Variants in APBB1 observed in about 807,000 individuals in gnomAD.
APBB1 encodes the protein adaptor protein FE65a2.
A neutral mutation model predicts 78.4 loss-of-function variants in APBB1; 22 were observed. The observed-to-expected ratio is 0.28, with a 90% CI of 0.20 to 0.40. The LOEUF is 0.40. APBB1 is among the 10% of genes least tolerant of loss of function. The pLI, the probability that APBB1 is intolerant of heterozygous loss-of-function variation, is 1.00. For missense variants in APBB1, 749 were observed against 932.4 expected (o/e 0.80, Z 2.56); for synonymous variants, 369 against 372.7 (o/e 0.99, Z 0.12).
Position 6,401,183 on chromosome 11 carries a change from G to A in APBB1, c.1589-111C>T, listed in dbSNP as rs1019875380. 65 of 1,611,882 alleles carry A rather than the reference G, an allele frequency of 4.0e-5. 1 individual carries two copies. The highest frequency in any genetic ancestry group is 4.2e-5 in the Non-Finnish European group (50 of 1,178,924). On this transcript the variant is annotated intron_variant, in intron 11 of 14. Coordinates refer to ENST00000609360, the MANE Select transcript of APBB1 (RefSeq NM_001164.5). The surrounding 1 kb of genome is among the most constrained non-coding windows in gnomAD (Gnocchi z 4.5). ...CCAGCCGAGGCCCTACTTTCATCTC[G>A]TCCCCTGCCTCCCTTTAACCGGAGT...
rs750067292 is a variant in APBB1, at chr11:6,395,213, T to A, written c.*321A>T. The A allele has an allele frequency of 5.2e-4, 149 of 285,242 alleles. No individual in the cohort carries two copies. The highest frequency in any genetic ancestry group is 3.4e-4 in the Non-Finnish European group (52 of 152,040). The allele number at this position is 285,242 out of a possible 1,614,324, so 17.7% of individuals were successfully genotyped here. On this transcript the variant is annotated 3_prime_UTR_variant, in exon 15 of 15. Coordinates refer to ENST00000609360, the MANE Select transcript of APBB1 (RefSeq NM_001164.5). The surrounding 1 kb of genome is among the most constrained non-coding windows in gnomAD (Gnocchi z 5.2). ...GGGACCCATGCCTGGACCAGTCCCT[T>A]CCTCCTTCTGCCCCTGCTGGGTCCA...
intron 12 of APBB1, 198 bp from the exon 13 acceptor site, chr11:6,396,413 C>T (rs1848225345): frequency 1.8e-6 from 1 of 554,492 alleles, no homozygotes; most frequent in Non-Finnish European, 3.1e-6. Flanking sequence ...GGACATTTTC[C>T]TACTTTTTAA....
Position 6,401,357 on chromosome 11 carries a change from C to T in APBB1, c.1576G>A (p.Val526Ile), listed in dbSNP as rs779739721. Residue 526 changes from valine (V) to isoleucine (I), a missense_variant, in exon 11 of 15, where the codon GTC becomes ATC. By Grantham distance (29) the Val-to-Ile change is conservative. Coordinates refer to ENST00000609360, the MANE Select transcript of APBB1 (RefSeq NM_001164.5). The surrounding 1 kb of genome is among the most constrained non-coding windows in gnomAD (Gnocchi z 4.5). ...LSLDHSKLVD[V>I]PFQVEFPAPK... ...TTTTGACACTGACCTTGGAAAGGGA[C>T]ATCCACAAGTTTAGAGTGGTCCAGG... 1 of 1,614,162 alleles carries T rather than the reference C, an allele frequency of 6.2e-7. No homozygotes were observed. Among genetic ancestry groups the T allele is most frequent in the African/African-American group, 1.3e-5 (1 of 75,024 alleles).
intron 2 of APBB1, chr11:6,404,996 GA>G: frequency 7.0e-7 from 1 of 1,429,238 alleles, no homozygotes; most frequent in South Asian, 1.5e-5. Flanking sequence ...CCATGCTAGG[GA>G]ATCTCCTTGG....
chr11:6,416,367 C>T (rs565705244), intron 1 of APBB1, among the ~76,000 whole-genome samples: 1 of 152,292 alleles, frequency 6.6e-6, no homozygotes, highest in Non-Finnish European at 1.5e-5. Flanking sequence ...TTCATTAATG[C>T]CCACAGCTTC....
Position 6,403,574 on chromosome 11 carries a change from G to C in APBB1, c.898-30C>G. 3 of 1,613,078 alleles carry C rather than the reference G, an allele frequency of 1.9e-6. No individual in the cohort carries two copies. Among genetic ancestry groups the C allele is most frequent in the Non-Finnish European group, 2.5e-6 (3 of 1,179,020 alleles). ...GAGGAGGGATGGGAGTAGTGAGTGA[G>C]TGTCCTATCCTACTCCAGCAGCACA... is the stretch of plus-strand genomic sequence containing the variant. On this transcript the variant is annotated intron_variant, in intron 3 of 14. Coordinates refer to ENST00000609360, the MANE Select transcript of APBB1 (RefSeq NM_001164.5). This position sits in a 1 kb window ranked among gnomAD's most constrained non-coding sequence, Gnocchi z 5.3.
rs952570644 is a variant in APBB1 at position 6,395,187 on chromosome 11, A to C, written c.*347T>G. 3 of 252,908 alleles carry C rather than the reference A, an allele frequency of 1.2e-5. No homozygotes were observed. Among genetic ancestry groups the C allele is most frequent in the African/African-American group, 6.7e-5 (3 of 44,676 alleles). 15.7% of individuals were successfully genotyped at this position (252,908 alleles called of 1,614,324 possible). A position where few individuals can be genotyped will look rare whatever the true frequency, so the allele number is the denominator to read the frequency against. ...CAGAGGTGCCCATGGAGCAGGGGGAAGGGACCCATGCCTGGACCAGTCCCT... is the reference window on the plus strand; with the variant it reads ...CAGAGGTGCCCATGGAGCAGGGGGACGGGACCCATGCCTGGACCAGTCCCT... On this transcript the variant is annotated 3_prime_UTR_variant, in exon 15 of 15. Coordinates refer to ENST00000609360, the MANE Select transcript of APBB1 (RefSeq NM_001164.5). The surrounding 1 kb of genome is among the most constrained non-coding windows in gnomAD (Gnocchi z 5.2).
At chr11:6,410,519 A>C (rs1848930497) in intron 2 of APBB1, 108 bp downstream of exon 2, 1 of 978,286 alleles carries the variant, frequency 1.0e-6, no homozygotes, top group African/African-American at 1.6e-5. Context: ...CTGTGGCCTC[A>C]GGGTATGGGC....
intron 12 of APBB1, among the ~76,000 whole-genome samples, chr11:6,399,149 T>A (rs1051827261): frequency 6.6e-6 from 1 of 152,148 alleles, no homozygotes; most frequent in African/African-American, 2.4e-5. Flanking sequence ...TAGCTTCATT[T>A]CCCTTCTCAC....
chr11:6,400,916 T>C (rs1848466547), intron 12 of APBB1, 73 bp downstream of exon 12: 5 of 1,384,832 alleles, frequency 3.6e-6, no homozygotes, highest in Non-Finnish European at 5.1e-6. Flanking sequence ...AGAAGAAGTA[T>C]TGGAAGGCAG....
In APBB1 at chr11:6,403,793, T is replaced by A; in HGVS notation, c.751A>T (p.Thr251Ser). The A allele has an allele frequency of 6.4e-7, 1 of 1,568,266 alleles. No homozygotes were observed. The highest frequency in any genetic ancestry group is 8.7e-7 in the Non-Finnish European group (1 of 1,155,654). The change falls in exon 3 of 15, where the codon ACG becomes TCG. Residue 251 changes from threonine (T) to serine (S), a missense_variant. This residue lies in a region of APBB1 where 635 missense variants were observed against 765.0 expected (regional missense o/e 0.83). Coordinates refer to ENST00000609360, the MANE Select transcript of APBB1 (RefSeq NM_001164.5). This position sits in a 1 kb window ranked among gnomAD's most constrained non-coding sequence, Gnocchi z 5.3. Reference protein sequence around the residue: ...DSFWNPNAFETDSDLPAGWMR... With the variant: ...DSFWNPNAFESDSDLPAGWMR... ...CATCCAGCCGGCAGGTCGGAATCCG[T>A]CTCGAAGGCGTTGGGGTTCCAGAAG... is the stretch of plus-strand genomic sequence containing the variant.
chr11:6,413,149 A>G (rs139469874), intron 1 of APBB1, among the ~76,000 whole-genome samples: 239 of 151,558 alleles, frequency 1.6e-3, no homozygotes, highest in African/African-American at 4.7e-3. Context: ...CTCCCTGACC[A>G]ACCACTGCCC....
rs369739068 is a variant in APBB1 at position 6,411,191 on chromosome 11, C to T, written c.157G>A (p.Ala53Thr). 7.2e-5 allele frequency: 116 copies of T among 1,607,584 alleles called. No homozygotes were observed. The highest frequency in any genetic ancestry group is 2.4e-4 in the South Asian group (22 of 90,974). ...TAVGPKDLRS[A>T]MGEGGGPEPG... is the part of the protein sequence containing the mutation. ...TCAGGCCCACCACCCTCCCCCATGG[C>T]GCTGCGCAGGTCCTTGGGTCCCACA... is the stretch of plus-strand genomic sequence containing the variant. Residue 53 changes from alanine (A) to threonine (T), a missense_variant, in exon 2 of 15, where the codon GCC becomes ACC. Transcript: ENST00000609360. The surrounding 1 kb of genome is among the most constrained non-coding windows in gnomAD (Gnocchi z 5.2).
Position 6,410,728 on chromosome 11 carries a change from C to T in APBB1, c.620G>A (p.Ser207Asn). 1 of 1,561,772 alleles carries T rather than the reference C, an allele frequency of 6.4e-7. No homozygotes were observed. The highest frequency in any genetic ancestry group is 8.7e-7 in the Non-Finnish European group (1 of 1,153,928). ...ACTGTTCCGCATGCCAAACAGGAGG[C>T]TGGCACTCTTGCTGTGTTCCCGGGG... ...DGPREHSKSA[S>N]LLFGMRNSAA... Residue 207 changes from serine (S) to asparagine (N), a missense_variant, in exon 2 of 15, where the codon AGC (serine) becomes AAC (asparagine). Ser to Asn is a conservative substitution (Grantham distance 46, BLOSUM62 1). Around this residue, in one of 3 missense-constraint regions of APBB1, gnomAD observed 635 missense variants for 765.0 expected, o/e 0.83. Coordinates refer to ENST00000609360, the MANE Select transcript of APBB1 (RefSeq NM_001164.5).
Position 6,395,285 on chromosome 11 carries a change from A to T in APBB1, c.*249T>A. 2.5e-6 allele frequency: 1 copy of T among 399,008 alleles called. No individual in the cohort carries two copies. Among genetic ancestry groups the T allele is most frequent in the South Asian group, 7.1e-5 (1 of 14,184 alleles). The allele number at this position is 399,008 out of a possible 1,614,324, so 24.7% of individuals were successfully genotyped here. On this transcript the variant is annotated 3_prime_UTR_variant, in exon 15 of 15. Transcript: ENST00000609360. The surrounding 1 kb of genome is among the most constrained non-coding windows in gnomAD (Gnocchi z 5.2). ...ACCAGTTCCTCCTGTTCCACCTGAA[A>T]CACATGGGGATGGAGAACCAGGGCT... is the stretch of plus-strand genomic sequence containing the variant.
At position 6,403,057 on chromosome 11, in the gene APBB1, C is replaced by T. The variant is rs143817946; in HGVS notation, c.1104+88G>A. On this transcript the variant is annotated intron_variant, in intron 6 of 14. Coordinates refer to ENST00000609360, the MANE Select transcript of APBB1 (RefSeq NM_001164.5). This position sits in a 1 kb window ranked among gnomAD's most constrained non-coding sequence, Gnocchi z 5.3. ...TCCTAACTCAGGACCTGGGGAACTGCGCTGAGACCCCTCAGAGCACAACAT... is the reference window on the plus strand; with the variant it reads ...TCCTAACTCAGGACCTGGGGAACTGTGCTGAGACCCCTCAGAGCACAACAT... The T allele has an allele frequency of 7.7e-4, 993 of 1,292,982 alleles. 12 individuals carry two copies. The East Asian group carries it at 0.021, about 27-fold the overall frequency. The allele number at this position is 1,292,982 out of a possible 1,614,324, so 80.1% of individuals were successfully genotyped here.
intron 1 of APBB1, among the ~76,000 whole-genome samples, chr11:6,418,685 C>G (rs1336647721): frequency 6.8e-6 from 1 of 146,532 alleles, no homozygotes; most frequent in Admixed American, 6.8e-5. Flanking sequence ...CGGACCTGGG[C>G]CTCCCCTCCC....
intron 12 of APBB1, among the ~76,000 whole-genome samples, chr11:6,398,256 T>C (rs1400242681): frequency 6.6e-6 from 1 of 152,158 alleles, no homozygotes; most frequent in Non-Finnish European, 1.5e-5. Flanking sequence ...CCTTCTAACA[T>C]ACTCCATGGT....
rs1848514790 is a variant in APBB1, at chr11:6,401,615, C to G, written c.1462G>C (p.Ala488Pro). Residue 488 changes from alanine to proline, a missense_variant, in exon 10 of 15, where the codon GCC (alanine) becomes CCC (proline). Around this residue, in one of 3 missense-constraint regions of APBB1, gnomAD observed 635 missense variants for 765.0 expected, o/e 0.83. Transcript: ENST00000609360. This position sits in a 1 kb window ranked among gnomAD's most constrained non-coding sequence, Gnocchi z 4.5. ...TGCAGGCTGGTGGCGATGTTCTTGG[C>G]AGGTGCCTCACAGCGAAACACGTGG... is the stretch of plus-strand genomic sequence containing the variant. ...KCHVFRCEAPAKNIATSLHEI... is the reference protein window; with the variant it reads ...KCHVFRCEAPPKNIATSLHEI... 2 of 1,614,076 alleles carry G rather than the reference C, an allele frequency of 1.2e-6. No individual in the cohort carries two copies.
Sources: allele counts gnomAD v4.1 joint callset (sites outside exome capture counted in the v4.1 genomes callset), GRCh38; gene constraint gnomAD v4.1.1; regional missense constraint gnomAD v4.1.1; non-coding constraint Gnocchi (gnomAD v3.1); transcripts MANE v1.5; gene names NCBI Gene and HGNC (gene_info 2026-07-23, HGNC 2026-07-21).